The following IFT88 variants were observed in gnomAD, a reference collection of about 807,000 sequenced individuals.
IFT88 encodes intraflagellar transport protein 88 homolog.
IFT88 carries 74 observed loss-of-function variants against 119.5 expected under a neutral mutation model. That is an observed-to-expected ratio of 0.62 (90% CI 0.51 to 0.75). The LOEUF (loss-of-function observed/expected upper bound fraction) is 0.75. Ranked by LOEUF, IFT88 falls within the 30% of genes least tolerant of loss-of-function variation. The pLI is 0.00. For missense variants in IFT88, 961 were observed against 977.7 expected, an observed-to-expected ratio of 0.98 and a Z score of 0.23; for synonymous variants, 279 against 316.7, an observed-to-expected ratio of 0.88 and a Z score of 1.26.
intron 14 of IFT88, among the ~76,000 whole-genome samples, chr13:20,624,218 A>T: frequency 6.6e-6 from 1 of 151,406 alleles, no homozygotes; most frequent in East Asian, 1.9e-4. Flanking sequence ...TTTTGTTCAG[A>T]CCTCTTTTTT....
At chr13:20,676,365 G>A (rs780571576) in intron 24 of IFT88, among the ~76,000 whole-genome samples, 1 of 152,192 alleles carries the variant, frequency 6.6e-6, no homozygotes, top group Non-Finnish European at 1.5e-5. Flanking sequence ...ATGGGCTCAT[G>A]TGGAAAGCTC....
intron 13 of IFT88, among the ~76,000 whole-genome samples, chr13:20,612,576 A>G (rs148415268): frequency 2.2e-4 from 33 of 152,354 alleles, no homozygotes; most frequent in African/African-American, 7.2e-4. Context: ...ATTAATGTAC[A>G]GATTCAGTGC....
At chr13:20,638,598 C>A in intron 17 of IFT88, 80 bp downstream of exon 17, 1 of 969,008 alleles carries the variant, frequency 1.0e-6, no homozygotes. Context: ...GCTTAAAGAG[C>A]TCTAACACAT....
intron 20 of IFT88, among the ~76,000 whole-genome samples, chr13:20,647,209 C>T (rs1271052849): frequency 6.6e-6 from 1 of 152,218 alleles, no homozygotes; most frequent in Non-Finnish European, 1.5e-5. Flanking sequence ...TTCTCAGTGA[C>T]AGAAACTTAT....
chr13:20,656,877 TAGAC>T (rs1209990152), intron 22 of IFT88, among the ~76,000 whole-genome samples: 1 of 152,146 alleles, frequency 6.6e-6, no homozygotes, highest in Non-Finnish European at 1.5e-5. Context: ...AATTTTTTTT[TAGAC>T]AGAGTCTTGC....
chr13:20,609,783 A>G (rs953612713), intron 13 of IFT88, among the ~76,000 whole-genome samples: 5 of 139,908 alleles, frequency 3.6e-5, no homozygotes, highest in African/African-American at 1.4e-4. Context: ...AAAAAACAAA[A>G]AACAAAGAAC....
chr13:20,594,033 A>G (rs2041202832), intron 7 of IFT88, among the ~76,000 whole-genome samples: 1 of 151,972 alleles, frequency 6.6e-6, no homozygotes, highest in South Asian at 2.1e-4. Context: ...CCTGGGTGAC[A>G]GAGCGAGACC....
intron 1 of IFT88, among the ~76,000 whole-genome samples, chr13:20,573,810 C>T (rs2036851490): frequency 6.6e-6 from 1 of 152,192 alleles, no homozygotes; most frequent in Admixed American, 6.5e-5. Context: ...GCACTTGATA[C>T]TAAGCTTCCA....
intron 13 of IFT88, among the ~76,000 whole-genome samples, chr13:20,606,616 C>T (rs1255753445): frequency 2.0e-5 from 3 of 152,174 alleles, no homozygotes; most frequent in Non-Finnish European, 4.4e-5. Flanking sequence ...CGGTGGCTCA[C>T]GCCTGTAGTC....
intron 24 of IFT88, among the ~76,000 whole-genome samples, chr13:20,677,096 T>A (rs7995773): frequency 6.6e-6 from 1 of 152,068 alleles, no homozygotes; most frequent in African/African-American, 2.4e-5. Context: ...CTTTATATGC[T>A]AGGTATTAAG....
At chr13:20,623,473 TTTTTG>T (rs1209934278) in intron 14 of IFT88, among the ~76,000 whole-genome samples, 3 of 152,096 alleles carry the variant, frequency 2.0e-5, no homozygotes, top group South Asian at 2.1e-4. Flanking sequence ...TTTATTGATG[TTTTTG>T]TTTTGTTTTG....
At chr13:20,688,651 T>G (rs930991532) in intron 24 of IFT88, among the ~76,000 whole-genome samples, 1 of 152,172 alleles carries the variant, frequency 6.6e-6, no homozygotes, top group Non-Finnish European at 1.5e-5. Context: ...TATGCATGCA[T>G]GAGGAAATAA....
chr13:20,599,073 G>A (rs1433228733), intron 10 of IFT88, among the ~76,000 whole-genome samples: 2 of 151,886 alleles, frequency 1.3e-5, no homozygotes, highest in Non-Finnish European at 1.5e-5. Context: ...TTTATATTGT[G>A]TAATTTTTTG....
intron 20 of IFT88, among the ~76,000 whole-genome samples, chr13:20,653,395 A>T (rs1457842885): frequency 6.6e-6 from 1 of 152,158 alleles, no homozygotes; most frequent in Admixed American, 6.5e-5. Flanking sequence ...GGTTTTGGTT[A>T]TTTATTTTAG....
At chr13:20,609,908 G>A (rs1454739002) in intron 13 of IFT88, among the ~76,000 whole-genome samples, 1 of 152,162 alleles carries the variant, frequency 6.6e-6, no homozygotes, top group Non-Finnish European at 1.5e-5. Context: ...TGAAAGGACT[G>A]TGCCCTCAGG....
At chr13:20,604,432 A>G (rs2043093972) in intron 12 of IFT88, among the ~76,000 whole-genome samples, 1 of 152,210 alleles carries the variant, frequency 6.6e-6, no homozygotes, top group African/African-American at 2.4e-5. Context: ...ATTTGAGTTT[A>G]GAATTAAAGT....
chr13:20,689,504 A>G (rs2058277791), intron 24 of IFT88, among the ~76,000 whole-genome samples: 1 of 152,160 alleles, frequency 6.6e-6, no homozygotes. Flanking sequence ...TTGTGGAGAC[A>G]TTGGTTGTCA....
chr13:20,658,555 G>A (rs951982938), intron 22 of IFT88, among the ~76,000 whole-genome samples: 10 of 152,204 alleles, frequency 6.6e-5, no homozygotes, highest in African/African-American at 2.4e-4. Flanking sequence ...AGAGATAGCA[G>A]TAATAACTTT....
intron 7 of IFT88, among the ~76,000 whole-genome samples, chr13:20,595,542 A>G (rs1170138852): frequency 2.0e-5 from 3 of 152,020 alleles, no homozygotes; most frequent in Admixed American, 1.3e-4. Context: ...TACCTGCCTC[A>G]GCCTCCCAAA....
Sources: allele counts gnomAD v4.1 joint callset (sites outside exome capture counted in the v4.1 genomes callset), GRCh38; gene constraint gnomAD v4.1.1; transcripts MANE v1.5; gene names NCBI Gene and HGNC (gene_info 2026-07-23, HGNC 2026-07-21).